Variants in WWOX observed in about 807,000 individuals in gnomAD.
WWOX encodes WW domain containing oxidoreductase.
In WWOX, 69 loss-of-function variants were observed where a neutral mutation model predicts 46.2. The ratio of observed to expected loss-of-function variants is 1.49; its 90% CI spans 1.23 to 1.82. The LOEUF is 1.82. Among genes scored for constraint, WWOX ranks in the 40% most tolerant of loss-of-function variants. The probability of loss-of-function intolerance (pLI) is 0.00; values close to 1 mark genes in which losing one functional copy is unlikely to be tolerated. For synonymous variants in WWOX, 359 were observed against 202.6 expected, an observed-to-expected ratio of 1.77 and a Z score of -6.56; for missense variants, 919 against 542.6, an observed-to-expected ratio of 1.69 and a Z score of -6.89.
intron 8 of WWOX, among the ~76,000 whole-genome samples, chr16:78,478,581 C>A (rs572727253): frequency 1.3e-5 from 2 of 152,298 alleles, no homozygotes; most frequent in East Asian, 3.9e-4. Context: ...TGTTGCACCC[C>A]CCACCCCAAG....
intron 4 of WWOX, among the ~76,000 whole-genome samples, chr16:78,128,544 A>G (rs955986073): frequency 3.3e-5 from 5 of 152,202 alleles, no homozygotes; most frequent in Admixed American, 1.3e-4. Flanking sequence ...TTCTGCTCAC[A>G]GTGCAGCACG....
chr16:78,608,078 A>C (rs1216765966), intron 8 of WWOX, among the ~76,000 whole-genome samples: 1 of 152,188 alleles, frequency 6.6e-6, no homozygotes, highest in Non-Finnish European at 1.5e-5. Flanking sequence ...AGATGGAACC[A>C]TTTTAGTGCA....
chr16:78,175,033 A>AATAATAATC (rs1251581273), intron 5 of WWOX, among the ~76,000 whole-genome samples: 1 of 126,844 alleles, frequency 7.9e-6, no homozygotes, highest in Non-Finnish European at 1.7e-5. Context: ...TAATAATAAG[A>AATAATAATC]ATCTGACTAA....
At chr16:78,198,157 G>C (rs541490180) in intron 5 of WWOX, among the ~76,000 whole-genome samples, 2 of 152,226 alleles carry the variant, frequency 1.3e-5, no homozygotes, top group East Asian at 1.9e-4. Flanking sequence ...TCCTGGGGCA[G>C]GTGCCTCTGG....
intron 8 of WWOX, among the ~76,000 whole-genome samples, chr16:78,982,746 C>T (rs369932779): frequency 1.3e-5 from 2 of 152,158 alleles, no homozygotes; most frequent in East Asian, 1.9e-4. Context: ...CCTGCAAACC[C>T]TCGAGAAGTT....
At chr16:79,204,110 C>G (rs956651581) in intron 8 of WWOX, 1 of 151,944 alleles carries the variant, frequency 6.6e-6, no homozygotes, top group African/African-American at 2.4e-5. Context: ...TTCTGCTTGG[C>G]TATTTCAAAC....
intron 8 of WWOX, among the ~76,000 whole-genome samples, chr16:78,453,461 A>G (rs769873688): frequency 5.3e-5 from 8 of 152,042 alleles, no homozygotes; most frequent in Non-Finnish European, 1.0e-4. Flanking sequence ...TTGATTTAAG[A>G]TGGTTTATAA....
Position 78,786,009 on chromosome 16 carries a change from C to T in WWOX, c.1056+353257C>T, listed in dbSNP as rs138183145. Among the ~76,000 whole-genome samples, 214 of 152,286 alleles carry T rather than the reference C, an allele frequency of 1.4e-3. 1 individual carries two copies. Among genetic ancestry groups the T allele is most frequent in the Middle Eastern group, 3.4e-3 (1 of 294 alleles). Reference sequence around the variant, plus strand: ...GCAACCTCCGCCTCCTGGGTTCAAGCGATTCTCATGGCTTAGCCTCCTGAG... The same window carrying T: ...GCAACCTCCGCCTCCTGGGTTCAAGTGATTCTCATGGCTTAGCCTCCTGAG... On this transcript the variant is annotated intron_variant, in intron 8 of 8. Coordinates refer to ENST00000566780, the MANE Select transcript of WWOX (RefSeq NM_016373.4).
chr16:79,080,663 T>C (rs991450103), intron 8 of WWOX, among the ~76,000 whole-genome samples: 1 of 152,014 alleles, frequency 6.6e-6, no homozygotes, highest in African/African-American at 2.4e-5. Flanking sequence ...GGCATCGGGG[T>C]CTTGTTGAAA....
intron 8 of WWOX, among the ~76,000 whole-genome samples, chr16:78,930,080 T>C (rs2045585551): frequency 6.6e-6 from 1 of 152,014 alleles, no homozygotes; most frequent in South Asian, 2.1e-4. Context: ...CTTCTTGCCT[T>C]CTTCACACTC....
chr16:78,898,442 C>G (rs1321357943), intron 8 of WWOX: 1 of 152,108 alleles, frequency 6.6e-6, no homozygotes, highest in African/African-American at 2.4e-5. Context: ...TGTCAAAAAT[C>G]AGTTGACTAT....
At position 79,058,749 on chromosome 16, in the gene WWOX, G is replaced by A. The variant is rs192257582; in HGVS notation, c.1057-152859G>A. On this transcript the variant is annotated intron_variant, in intron 8 of 8. Transcript: ENST00000566780. ...CTGTGTGCATCCTGGCAATGTTTAC[G>A]ATATACTTCTACTAAAATATTATTT... 6.6e-5 allele frequency among the ~76,000 whole-genome samples: 10 copies of A among 152,254 alleles called. No homozygotes were observed. In the East Asian group the frequency reaches 1.7e-3, roughly 26 times the overall value.
At chr16:78,787,137 G>A (rs550755262) in intron 8 of WWOX, among the ~76,000 whole-genome samples, 1 of 152,170 alleles carries the variant, frequency 6.6e-6, no homozygotes, top group Non-Finnish European at 1.5e-5. Context: ...GACAGAGTGA[G>A]ACTGTGTCTC....
At chr16:78,403,402 C>T (rs1027558838) in intron 6 of WWOX, among the ~76,000 whole-genome samples, 4 of 152,180 alleles carry the variant, frequency 2.6e-5, no homozygotes, top group Non-Finnish European at 5.9e-5. Flanking sequence ...GATTTTTCTG[C>T]AGAATTTATG....
At chr16:78,640,561 A>T (rs2046683066) in intron 8 of WWOX, among the ~76,000 whole-genome samples, 1 of 152,138 alleles carries the variant, frequency 6.6e-6, no homozygotes, top group African/African-American at 2.4e-5. Flanking sequence ...GTTGATCTGT[A>T]CAGCAAACCA....
At chr16:78,278,753 C>G in intron 5 of WWOX, 1 of 1,148,892 alleles carries the variant, frequency 8.7e-7, no homozygotes, top group Middle Eastern at 2.2e-4. Context: ...ACTTCTATCT[C>G]GGTGATCTGA....
chr16:78,769,808 A>G (rs2050019784), intron 8 of WWOX, among the ~76,000 whole-genome samples: 1 of 151,308 alleles, frequency 6.6e-6, no homozygotes, highest in South Asian at 2.1e-4. Flanking sequence ...GGAGTTCGAG[A>G]TCAGTGTGGA....
intron 8 of WWOX, among the ~76,000 whole-genome samples, chr16:78,648,683 G>T (rs1408455843): frequency 6.6e-6 from 1 of 152,086 alleles, no homozygotes; most frequent in Non-Finnish European, 1.5e-5. Flanking sequence ...CCCACCTCCG[G>T]CTTCCCCATG....
At chr16:78,763,937 G>C (rs1410394743) in intron 8 of WWOX, among the ~76,000 whole-genome samples, 1 of 152,096 alleles carries the variant, frequency 6.6e-6, no homozygotes, top group Non-Finnish European at 1.5e-5. Context: ...TAGCACTCTT[G>C]AGCTGAAGAA....
Sources: allele counts gnomAD v4.1 joint callset (sites outside exome capture counted in the v4.1 genomes callset), GRCh38; gene constraint gnomAD v4.1.1; transcripts MANE v1.5; gene names NCBI Gene and HGNC (gene_info 2026-07-23, HGNC 2026-07-21).